The following ABCB11 variants were observed in gnomAD, a reference collection of about 807,000 sequenced individuals.
ABCB11 encodes the protein bile salt export pump.
Under a neutral mutation model 148.0 loss-of-function variants are expected in ABCB11, and 95 were observed. The observed-to-expected ratio is 0.64, with a 90% CI of 0.54 to 0.76. The LOEUF (loss-of-function observed/expected upper bound fraction) is 0.76. Ranked by LOEUF, ABCB11 falls within the 30% of genes least tolerant of loss-of-function variation. The probability of loss-of-function intolerance (pLI) is 0.00; values close to 1 mark genes in which losing one functional copy is unlikely to be tolerated. For missense variants in ABCB11, 1,523 were observed against 1,617.8 expected, an observed-to-expected ratio of 0.94 and a Z score of 1.01; for synonymous variants, 591 against 555.4, an observed-to-expected ratio of 1.06 and a Z score of -0.90.
chr2:168,956,233 A>G (rs1353667809), intron 19 of ABCB11, among the ~76,000 whole-genome samples: 1 of 151,588 alleles, frequency 6.6e-6, no homozygotes, highest in Non-Finnish European at 1.5e-5. Context: ...CAAGGGGGAA[A>G]TCCACCCACC....
At chr2:168,929,811 T>G (rs1691485309) in intron 25 of ABCB11, among the ~76,000 whole-genome samples, 1 of 151,964 alleles carries the variant, frequency 6.6e-6, no homozygotes, top group Admixed American at 6.6e-5. Flanking sequence ...TGGGAGGAGG[T>G]AGGCAAAAGG....
chr2:168,945,469 G>T (rs1228007948), intron 19 of ABCB11, among the ~76,000 whole-genome samples: 1 of 151,380 alleles, frequency 6.6e-6, no homozygotes. Flanking sequence ...CAATTGTGTT[G>T]GTTTTTCATC....
intron 12 of ABCB11, 105 bp downstream of exon 12, chr2:168,976,472 A>C (rs2105976902): frequency 1.6e-6 from 1 of 622,448 alleles, no homozygotes; most frequent in South Asian, 2.6e-5. Flanking sequence ...ATTCCCTATT[A>C]CTGGAAACAG....
intron 12 of ABCB11, among the ~76,000 whole-genome samples, chr2:168,975,551 A>ATTTTTATATTTATAGATAAATATAT (rs1558901176): frequency 7.5e-4 from 16 of 21,342 alleles, no homozygotes; most frequent in Non-Finnish European, 1.5e-3. Flanking sequence ...ATATATAAAT[A>ATTTTTATATTTATAGATAAATATAT]CATAAATATT....
At chr2:168,982,571 G>A (rs3770594) in intron 10 of ABCB11, among the ~76,000 whole-genome samples, 1 of 151,892 alleles carries the variant, frequency 6.6e-6, no homozygotes. Context: ...CTGTGCACAA[G>A]TGATACTAAT....
chr2:168,919,470 C>T (rs1016953421), downstream of ABCB11, among the ~76,000 whole-genome samples: 6 of 152,098 alleles, frequency 3.9e-5, no homozygotes, highest in East Asian at 1.2e-3. Flanking sequence ...CATTTCCCTG[C>T]CTCAATCTAG....
At chr2:168,938,790 T>C (rs1574409272) in intron 21 of ABCB11, among the ~76,000 whole-genome samples, 1 of 152,142 alleles carries the variant, frequency 6.6e-6, no homozygotes, top group Admixed American at 6.5e-5. Flanking sequence ...CTTTGGGATG[T>C]CGTTATTTTG....
At chr2:168,920,279 T>G (rs1691035462), downstream of ABCB11, among the ~76,000 whole-genome samples, 1 of 152,226 alleles carries the variant, frequency 6.6e-6, no homozygotes, top group Admixed American at 6.5e-5. Context: ...AATAGGATTT[T>G]TATTTATTAT....
intron 12 of ABCB11, among the ~76,000 whole-genome samples, chr2:168,975,561 T>TAAAAATA (rs1558901220): frequency 7.8e-6 from 1 of 127,504 alleles, no homozygotes; most frequent in Non-Finnish European, 1.6e-5. Flanking sequence ...ACATAAATAT[T>TAAAAATA]TTTATATTTA....
At chr2:168,932,864 C>A (rs1038995032) in intron 23 of ABCB11, among the ~76,000 whole-genome samples, 9 of 152,072 alleles carry the variant, frequency 5.9e-5, no homozygotes, top group Non-Finnish European at 1.3e-4. Flanking sequence ...AATCCCAGCA[C>A]CTTGGGAGGC....
chr2:168,976,444 T>C (rs892159510), intron 12 of ABCB11, 133 bp downstream of exon 12: 1 of 536,064 alleles, frequency 1.9e-6, no homozygotes. Context: ...GAGGATACTT[T>C]CAGAGAAAGA....
chr2:168,978,691 T>C (rs909127496), intron 11 of ABCB11, among the ~76,000 whole-genome samples: 1 of 151,598 alleles, frequency 6.6e-6, no homozygotes, highest in Non-Finnish European at 1.5e-5. Flanking sequence ...AACAACAGAT[T>C]GCCAACTTCC....
Position 168,949,249 on chromosome 2 carries a change from C to T in ABCB11, c.2344-4288G>A, listed in dbSNP as rs188701624. ...TTTGTATATTTAGGGGGTACAAGCA[C>T]AGATTTCTTACATGCATATTGAAGT... On this transcript the variant is annotated intron_variant, in intron 19 of 27. Coordinates refer to ENST00000650372, the MANE Select transcript of ABCB11 (RefSeq NM_003742.4). 5.1e-3 allele frequency among the ~76,000 whole-genome samples: 768 copies of T among 151,672 alleles called. 7 individuals are homozygous for T. Among genetic ancestry groups the T allele is most frequent in the South Asian group, 0.012 (60 of 4,822 alleles).
In ABCB11 at chr2:168,921,324, A is replaced by C. The variant is rs970978280; in HGVS notation, c.*2298T>G. On this transcript the variant is annotated 3_prime_UTR_variant, in exon 28 of 28. Transcript: ENST00000650372. Reference sequence around the variant, plus strand: ...ATATCCTAGTGTCCTGGCTTAATTTATAGGCAGAATTTCGTTTGTTGGCTA... The same window carrying C: ...ATATCCTAGTGTCCTGGCTTAATTTCTAGGCAGAATTTCGTTTGTTGGCTA... Among the ~76,000 whole-genome samples the C allele has an allele frequency of 2.6e-5, 4 of 152,148 alleles. No individual in the cohort carries two copies. The highest frequency in any genetic ancestry group is 5.9e-5 in the Non-Finnish European group (4 of 68,024).
At chr2:168,957,393 G>A (rs1001353384) in intron 19 of ABCB11, among the ~76,000 whole-genome samples, 4 of 151,708 alleles carry the variant, frequency 2.6e-5, no homozygotes, top group African/African-American at 9.7e-5. Flanking sequence ...GATGATTACA[G>A]CAATCAAGTC....
chr2:168,926,194 A>T (rs930084801), intron 26 of ABCB11, among the ~76,000 whole-genome samples: 9 of 152,172 alleles, frequency 5.9e-5, no homozygotes, highest in Admixed American at 1.3e-4. Flanking sequence ...CTTGTGATCA[A>T]AACTAAGAGG....
In ABCB11 at chr2:168,990,914, C is replaced by G. The variant is rs1694496566; in HGVS notation, c.795G>C (p.Lys265Asn). ...GAATIGLSVSKFTDYELKAYA... is the reference protein window; with the variant it reads ...GAATIGLSVSNFTDYELKAYA... ...AGGCCTTCAGCTCATAGTCCGTAAA[C>G]TTGGACACACTCTAAAAATCAAAAA... The change falls in exon 9 of 28, where the codon AAG becomes AAC. Residue 265 changes from lysine (K) to asparagine (N), a missense_variant. Lys to Asn is a moderately conservative substitution (Grantham distance 94). Coordinates refer to ENST00000650372, the MANE Select transcript of ABCB11 (RefSeq NM_003742.4). 6.2e-7 allele frequency: 1 copy of G among 1,611,906 alleles called. No homozygotes were observed. The highest frequency in any genetic ancestry group is 1.3e-5 in the African/African-American group (1 of 74,790).
chr2:168,936,522 G>T, intron 21 of ABCB11, 89 bp from the exon 22 acceptor site: 1 of 1,226,980 alleles, frequency 8.2e-7, no homozygotes, highest in Non-Finnish European at 1.2e-6. Flanking sequence ...CTTTTATAAA[G>T]TTGTGATAAA....
At chr2:168,964,801 T>C (rs1328710425) in intron 17 of ABCB11, among the ~76,000 whole-genome samples, 1 of 151,870 alleles carries the variant, frequency 6.6e-6, no homozygotes, top group Non-Finnish European at 1.5e-5. Flanking sequence ...CTCCAGGCTA[T>C]ATACTACCCT....
Sources: gnomAD v4.1 joint callset for allele counts (sites outside exome capture counted in the v4.1 genomes callset) on GRCh38, gnomAD v4.1.1 for gene constraint, MANE v1.5 for transcripts, NCBI Gene and HGNC (gene_info 2026-07-23, HGNC 2026-07-21) for gene names.